The following SEZ6L variants were observed in gnomAD, a reference collection of about 807,000 sequenced individuals.
The protein encoded by SEZ6L is seizure related 6 homolog like.
In SEZ6L, 37 loss-of-function variants were observed where a neutral mutation model predicts 106.2. That is an observed-to-expected ratio of 0.35 (90% CI 0.27 to 0.46). The LOEUF is 0.46. Ranked by LOEUF, SEZ6L falls within the 20% of genes least tolerant of loss-of-function variation. The pLI, the probability that SEZ6L is intolerant of heterozygous loss-of-function variation, is 1.00. For missense variants in SEZ6L, 1,172 were observed against 1,332.8 expected (o/e 0.88, Z 1.88); for synonymous variants, 541 against 570.4 (o/e 0.95, Z 0.73).
chr22:26,351,649 C>T (rs1355095510), intron 12 of SEZ6L, among the ~76,000 whole-genome samples: 1 of 152,074 alleles, frequency 6.6e-6, no homozygotes, highest in Middle Eastern at 3.2e-3. Flanking sequence ...TGGGTTCAAG[C>T]GATTCTCATG....
At chr22:26,264,159 T>C (rs2080103248) in intron 1 of SEZ6L, among the ~76,000 whole-genome samples, 1 of 152,200 alleles carries the variant, frequency 6.6e-6, no homozygotes, top group Non-Finnish European at 1.5e-5. Flanking sequence ...TCAGGGTCAT[T>C]CCAATTCTGG....
At chr22:26,172,120 A>C (rs952464643) in intron 1 of SEZ6L, among the ~76,000 whole-genome samples, 5 of 152,142 alleles carry the variant, frequency 3.3e-5, no homozygotes, top group African/African-American at 1.2e-4. Flanking sequence ...CATGGGGAAT[A>C]ATTGTAACTA....
At chr22:26,361,673 A>C (rs1389076185) in intron 12 of SEZ6L, among the ~76,000 whole-genome samples, 1 of 152,162 alleles carries the variant, frequency 6.6e-6, no homozygotes. Flanking sequence ...TATTCTCATA[A>C]CAACACCTTG....
intron 5 of SEZ6L, among the ~76,000 whole-genome samples, chr22:26,304,385 A>AAAGAAAGAAAGAAAG (rs1556332170): frequency 2.3e-4 from 26 of 112,346 alleles, no homozygotes; most frequent in African/African-American, 7.7e-4. Flanking sequence ...AGAAAGAAAG[A>AAAGAAAGAAAGAAAG]AAGAAAGAAA....
intron 1 of SEZ6L, among the ~76,000 whole-genome samples, chr22:26,172,760 G>C (rs1165438211): frequency 6.6e-6 from 1 of 152,146 alleles, no homozygotes; most frequent in African/African-American, 2.4e-5. Context: ...CTGTTTCTCA[G>C]AGAAAAATTA....
chr22:26,348,640 GAAAGAAAAAGAAAGAA>G (rs2083118725), intron 11 of SEZ6L, among the ~76,000 whole-genome samples: 1 of 25,780 alleles, frequency 3.9e-5, no homozygotes, highest in South Asian at 1.9e-3. Context: ...AAGAAAGAAA[GAAAGAAAAAGAAAGAA>G]AGAAAGAAAG....
chr22:26,193,320 C>A (rs1442715611), intron 1 of SEZ6L, among the ~76,000 whole-genome samples: 1 of 152,074 alleles, frequency 6.6e-6, no homozygotes, highest in African/African-American at 2.4e-5. Flanking sequence ...AACTGGAGCC[C>A]TTGGTGAATA....
At chr22:26,288,502 T>A (rs1309263327) in intron 1 of SEZ6L, among the ~76,000 whole-genome samples, 1 of 152,176 alleles carries the variant, frequency 6.6e-6, no homozygotes, top group Non-Finnish European at 1.5e-5. Flanking sequence ...CCAAGTGACA[T>A]CAATACCCCA....
chr22:26,227,183 C>A (rs752270074), intron 1 of SEZ6L, among the ~76,000 whole-genome samples: 1 of 152,144 alleles, frequency 6.6e-6, no homozygotes, highest in Non-Finnish European at 1.5e-5. Context: ...GGAGAGAGCA[C>A]GGTCTTTGGA....
chr22:26,289,005 T>A (rs1359865292), intron 1 of SEZ6L, among the ~76,000 whole-genome samples: 1 of 152,258 alleles, frequency 6.6e-6, no homozygotes, highest in African/African-American at 2.4e-5. Flanking sequence ...TAAGAATAAT[T>A]GTCAATTCCC....
intron 5 of SEZ6L, among the ~76,000 whole-genome samples, 169 bp from the exon 6 acceptor site, chr22:26,305,810 C>T (rs2145912683): frequency 6.6e-6 from 1 of 152,334 alleles, no homozygotes; most frequent in Non-Finnish European, 1.5e-5. Context: ...CCGGTTTCCT[C>T]CCGCTCCAGG....
intron 1 of SEZ6L, among the ~76,000 whole-genome samples, chr22:26,273,178 G>A (rs2080425213): frequency 1.3e-5 from 2 of 152,150 alleles, no homozygotes; most frequent in South Asian, 4.1e-4. Context: ...CAAGCCCCAC[G>A]TGTGCTTAGC....
intron 1 of SEZ6L, among the ~76,000 whole-genome samples, chr22:26,203,423 T>G (rs555900858): frequency 4.2e-4 from 64 of 152,350 alleles, no homozygotes; most frequent in African/African-American, 1.5e-3. Flanking sequence ...CTGAGCTCTC[T>G]GAGATGAGGG....
In SEZ6L at chr22:26,319,703, T is replaced by C. The variant is rs149202058; in HGVS notation, c.2015+5801T>C. Among the ~76,000 whole-genome samples, 38 of 152,326 alleles carry C rather than the reference T, an allele frequency of 2.5e-4. No homozygotes were observed. The East Asian group carries it at 6.4e-3, about 26-fold the overall frequency. On this transcript the variant is annotated intron_variant, in intron 9 of 16. Coordinates refer to ENST00000248933, the MANE Select transcript of SEZ6L (RefSeq NM_021115.5). ...ACACACTACGCATTGTGGTGTATCTTGAAGTATTTCAACTCCCACACCTCC... is the reference window on the plus strand; with the variant it reads ...ACACACTACGCATTGTGGTGTATCTCGAAGTATTTCAACTCCCACACCTCC...
chr22:26,202,449 T>G (rs926438892), intron 1 of SEZ6L, among the ~76,000 whole-genome samples: 1 of 152,130 alleles, frequency 6.6e-6, no homozygotes, highest in African/African-American at 2.4e-5. Flanking sequence ...TAATAGACAG[T>G]GAAGGAGGCA....
chr22:26,172,544 A>G (rs2123757368), intron 1 of SEZ6L, among the ~76,000 whole-genome samples: 1 of 152,298 alleles, frequency 6.6e-6, no homozygotes, highest in Admixed American at 6.5e-5. Context: ...GTCCAGAGAC[A>G]ATTTATCCAA....
intron 1 of SEZ6L, among the ~76,000 whole-genome samples, chr22:26,219,272 G>GTTTTAA (rs2078391270): frequency 1.1e-5 from 1 of 92,360 alleles, no homozygotes; most frequent in East Asian, 2.4e-4. Context: ...TTTTTTTTTC[G>GTTTTAA]CTCCTGGCAA....
At chr22:26,333,371 G>A (rs536699718) in intron 9 of SEZ6L, among the ~76,000 whole-genome samples, 1 of 152,284 alleles carries the variant, frequency 6.6e-6, no homozygotes, top group South Asian at 2.1e-4. Flanking sequence ...AGAGGCAGGC[G>A]GGGCAGAAAT....
At chr22:26,188,025 A>G (rs894876549) in intron 1 of SEZ6L, among the ~76,000 whole-genome samples, 1 of 152,200 alleles carries the variant, frequency 6.6e-6, no homozygotes, top group Non-Finnish European at 1.5e-5. Context: ...TCTGGTCCTC[A>G]TTACTGACCT....
Sources: allele counts gnomAD v4.1 joint callset (sites outside exome capture counted in the v4.1 genomes callset), GRCh38; gene constraint gnomAD v4.1.1; transcripts MANE v1.5; gene names NCBI Gene and HGNC (gene_info 2026-07-23, HGNC 2026-07-21).